ALCAM: variants seen among roughly 807,000 people sequenced by gnomAD.
The protein encoded by ALCAM is activated leukocyte cell adhesion molecule.
Under a neutral mutation model 70.9 loss-of-function variants are expected in ALCAM, and 30 were observed. The ratio of observed to expected loss-of-function variants is 0.42; its 90% CI spans 0.32 to 0.57. ALCAM has a LOEUF of 0.57. Among genes scored for constraint, ALCAM ranks in the 20% least tolerant of loss-of-function variants. ALCAM has a pLI of 0.11. For missense variants in ALCAM, 591 were observed against 695.1 expected, an observed-to-expected ratio of 0.85 and a Z score of 1.68; for synonymous variants, 249 against 242.5, an observed-to-expected ratio of 1.03 and a Z score of -0.25.
chr3:105,513,342 G>T (rs910453277), intron 1 of ALCAM: 9 of 151,946 alleles, frequency 5.9e-5, no homozygotes, highest in Admixed American at 3.9e-4. Context: ...AAAGCCCAGT[G>T]CTTTTAGTGA....
chr3:105,457,794 A>G (rs1397992457), intron 1 of ALCAM, among the ~76,000 whole-genome samples: 1 of 152,132 alleles, frequency 6.6e-6, no homozygotes, highest in Non-Finnish European at 1.5e-5. Context: ...CATTTCTGAC[A>G]CTGAGCAAAA....
At chr3:105,561,175 A>G (rs1249235348) in intron 14 of ALCAM, among the ~76,000 whole-genome samples, 1 of 152,136 alleles carries the variant, frequency 6.6e-6, no homozygotes, top group Admixed American at 6.5e-5. Flanking sequence ...TAATTTTGTA[A>G]TGTTTCCAAT....
Position 105,435,607 on chromosome 3 carries a change from AATTT to A in ALCAM, c.73+68130_73+68133del, listed in dbSNP as rs144590683. ...CTCAAACTAGATTACATAAAAATGA[AATTT>A]ATTGGGTCACATAAAACTTAGAAAT... On this transcript the variant is annotated intron_variant, in intron 1 of 15. Transcript: ENST00000306107. Among the ~76,000 whole-genome samples, 862 of 152,340 alleles carry A rather than the reference AATTT, an allele frequency of 5.7e-3. 7 individuals are homozygous for A. The highest frequency in any genetic ancestry group is 0.02 in the African/African-American group (832 of 41,580).
intron 1 of ALCAM, among the ~76,000 whole-genome samples, chr3:105,453,498 A>C (rs1004363451): frequency 6.6e-6 from 1 of 152,190 alleles, no homozygotes; most frequent in African/African-American, 2.4e-5. Flanking sequence ...GTTTGAAGTC[A>C]GGTAGAGTGA....
intron 1 of ALCAM, among the ~76,000 whole-genome samples, chr3:105,460,056 T>A (rs1317077868): frequency 1.3e-5 from 2 of 152,074 alleles, no homozygotes; most frequent in South Asian, 2.1e-4. Flanking sequence ...GAATCAGAAC[T>A]GTGTTTGGGG....
chr3:105,387,000 C>T (rs552418799), intron 1 of ALCAM, among the ~76,000 whole-genome samples: 14 of 151,570 alleles, frequency 9.2e-5, no homozygotes, highest in African/African-American at 1.2e-4. Context: ...ATTGAATGTT[C>T]GTGACAGTTC....
intron 1 of ALCAM, among the ~76,000 whole-genome samples, chr3:105,515,296 C>A (rs903800422): frequency 3.9e-5 from 6 of 151,978 alleles, no homozygotes; most frequent in Admixed American, 2.0e-4. Context: ...GAATCCACTT[C>A]CTGAAGTCAG....
intron 1 of ALCAM, among the ~76,000 whole-genome samples, chr3:105,465,621 A>G (rs1206188785): frequency 1.3e-5 from 2 of 151,426 alleles, no homozygotes; most frequent in African/African-American, 4.8e-5. Context: ...CCAGCTTTAA[A>G]TAATTAACTT....
At chr3:105,413,324 T>C (rs1006585264) in intron 1 of ALCAM, among the ~76,000 whole-genome samples, 5 of 152,170 alleles carry the variant, frequency 3.3e-5, no homozygotes, top group Admixed American at 6.6e-5. Flanking sequence ...GATAACACCA[T>C]ATAGTTTAGG....
At chr3:105,510,980 C>A (rs1322165364) in intron 1 of ALCAM, among the ~76,000 whole-genome samples, 1 of 152,016 alleles carries the variant, frequency 6.6e-6, no homozygotes, top group African/African-American at 2.4e-5. Context: ...ATGCAGATTT[C>A]ATACCCTTAG....
In ALCAM at chr3:105,543,485, C is replaced by T. The variant is rs1487391028; in HGVS notation, c.991+1720C>T. Among the ~76,000 whole-genome samples, 7 of 151,784 alleles carry T rather than the reference C, an allele frequency of 4.6e-5. No individual in the cohort carries two copies. In the South Asian group the frequency reaches 1.5e-3, roughly 31 times the overall value. On this transcript the variant is annotated intron_variant, in intron 8 of 15. Coordinates refer to ENST00000306107, the MANE Select transcript of ALCAM (RefSeq NM_001627.4). ...AACATAAAAATCCTATTTTTACCCA[C>T]TTATCTTTGATTGCTTGCTTATTTT...
chr3:105,502,879 CA>C lies in ALCAM; in HGVS notation c.74-17187del, dbSNP rs555249187. On this transcript the variant is annotated intron_variant, in intron 1 of 15. Transcript: ENST00000306107. ...TCCTTGATCTACTCATCAGTGTTTT[CA>C]GAAAGACTTCTGGATTCCCAAATAA... 1.2e-4 allele frequency among the ~76,000 whole-genome samples: 18 copies of C among 152,312 alleles called. 1 individual carries two copies. In the South Asian group the frequency reaches 3.7e-3, roughly 32 times the overall value.
chr3:105,380,496 C>T, intron 1 of ALCAM, among the ~76,000 whole-genome samples: 1 of 151,774 alleles, frequency 6.6e-6, no homozygotes, highest in South Asian at 2.1e-4. Context: ...GATTTCTTCA[C>T]AGCTCAAAAA....
intron 8 of ALCAM, 119 bp downstream of exon 8, chr3:105,541,884 T>C: frequency 1.6e-6 from 2 of 1,223,082 alleles, no homozygotes; most frequent in Non-Finnish European, 2.3e-6. Context: ...TTGCAATAGA[T>C]GCAGTAGAGA....
chr3:105,512,042 G>A (rs1939253481), intron 1 of ALCAM, among the ~76,000 whole-genome samples: 1 of 151,970 alleles, frequency 6.6e-6, no homozygotes, highest in Non-Finnish European at 1.5e-5. Flanking sequence ...TGCTTTCTGT[G>A]AAAACAATGA....
chr3:105,493,089 G>C (rs1938634306), intron 1 of ALCAM, among the ~76,000 whole-genome samples: 1 of 151,994 alleles, frequency 6.6e-6, no homozygotes, highest in South Asian at 2.1e-4. Context: ...TCTGTTCTCA[G>C]CACTGTAGTA....
chr3:105,550,398 A>G, intron 12 of ALCAM, 139 bp downstream of exon 12: 1 of 878,130 alleles, frequency 1.1e-6, no homozygotes. Context: ...TATCATCATC[A>G]TAAGGTTATT....
Position 105,367,291 on chromosome 3 carries a change from G to A in ALCAM, c.-118G>A, listed in dbSNP as rs1384363323. The A allele has an allele frequency of 2.1e-6, 2 of 966,024 alleles. No homozygotes were observed. Among genetic ancestry groups the A allele is most frequent in the South Asian group, 1.5e-5 (1 of 67,412 alleles). The allele number at this position is 966,024 out of a possible 1,614,324, so 59.8% of individuals were successfully genotyped here. ...CACAGCCCAGGGGACGGTGTGTCTGGGAGAAGACGCTGCCCCTGCGTCGGG... is the reference window on the plus strand; with the variant it reads ...CACAGCCCAGGGGACGGTGTGTCTGAGAGAAGACGCTGCCCCTGCGTCGGG... On this transcript the variant is annotated 5_prime_UTR_variant, in exon 1 of 16. Transcript: ENST00000306107.
chr3:105,461,055 G>T (rs1335928445), intron 1 of ALCAM, among the ~76,000 whole-genome samples: 2 of 151,358 alleles, frequency 1.3e-5, no homozygotes, highest in Non-Finnish European at 3.0e-5. Context: ...TGGGGTGAAT[G>T]TATTACTATG....
Sources: allele counts gnomAD v4.1 joint callset (sites outside exome capture counted in the v4.1 genomes callset), GRCh38; gene constraint gnomAD v4.1.1; transcripts MANE v1.5; gene names NCBI Gene and HGNC (gene_info 2026-07-23, HGNC 2026-07-21).